The following ATF6 variants were observed in gnomAD, a reference collection of about 807,000 sequenced individuals.
ATF6 encodes the protein activating transcription factor 6.
In ATF6, 53 loss-of-function variants were observed where a neutral mutation model predicts 83.6. The observed-to-expected ratio is 0.63, with a 90% CI of 0.51 to 0.80. ATF6 has a LOEUF of 0.80. ATF6 is among the 30% of genes least tolerant of loss of function. The probability of loss-of-function intolerance (pLI) is 0.00; values close to 1 mark genes in which losing one functional copy is unlikely to be tolerated. For synonymous variants in ATF6, 288 were observed against 285.8 expected (o/e 1.01, Z -0.08); for missense variants, 744 against 797.9 (o/e 0.93, Z 0.81).
intron 9 of ATF6, among the ~76,000 whole-genome samples, chr1:161,828,995 A>G (rs567996870): frequency 1.3e-5 from 2 of 152,308 alleles, no homozygotes; most frequent in Admixed American, 6.5e-5. Context: ...AGTCTCTGAT[A>G]AAACAGACTT....
intron 4 of ATF6, among the ~76,000 whole-genome samples, chr1:161,791,108 G>C (rs868155390): frequency 6.2e-5 from 9 of 144,186 alleles, no homozygotes; most frequent in South Asian, 2.2e-4. Context: ...GTGTGTCTCT[G>C]TGTGTGTGTG....
At chr1:161,870,136 T>C (rs940376660) in intron 14 of ATF6, among the ~76,000 whole-genome samples, 1 of 151,928 alleles carries the variant, frequency 6.6e-6, no homozygotes, top group East Asian at 1.9e-4. Context: ...AGATATTTCA[T>C]TGAAAAATCT....
At chr1:161,954,738 A>T (rs1688932473) in intron 15 of ATF6, among the ~76,000 whole-genome samples, 1 of 152,138 alleles carries the variant, frequency 6.6e-6, no homozygotes, top group Non-Finnish European at 1.5e-5. Context: ...ATTCAGAATC[A>T]TAGTTTAGTG....
At chr1:161,877,226 G>A (rs954762066) in intron 14 of ATF6, among the ~76,000 whole-genome samples, 1 of 152,058 alleles carries the variant, frequency 6.6e-6, no homozygotes, top group African/African-American at 2.4e-5. Context: ...AAGGAGCATG[G>A]GTTCCAGTGA....
At chr1:161,902,945 A>C (rs1687816560) in intron 14 of ATF6, among the ~76,000 whole-genome samples, 1 of 152,198 alleles carries the variant, frequency 6.6e-6, no homozygotes, top group South Asian at 2.1e-4. Flanking sequence ...GGAGCAGGTA[A>C]AGGTGTGTGC....
chr1:161,914,624 C>A (rs1358220430), intron 15 of ATF6, among the ~76,000 whole-genome samples: 1 of 152,162 alleles, frequency 6.6e-6, no homozygotes, highest in Non-Finnish European at 1.5e-5. Flanking sequence ...TTCAGGCATC[C>A]CACTCTCTGA....
chr1:161,816,802 C>T (rs1179724532), intron 7 of ATF6, among the ~76,000 whole-genome samples: 1 of 152,052 alleles, frequency 6.6e-6, no homozygotes, highest in East Asian at 1.9e-4. Context: ...ATACCCACTT[C>T]CCCCCACTTA....
At chr1:161,903,531 T>C (rs1405783409) in intron 14 of ATF6, among the ~76,000 whole-genome samples, 4 of 152,164 alleles carry the variant, frequency 2.6e-5, no homozygotes, top group Non-Finnish European at 5.9e-5. Context: ...AAATCTAAAT[T>C]TCCTATATCA....
At chr1:161,824,091 G>A (rs1293014302) in intron 9 of ATF6, among the ~76,000 whole-genome samples, 2 of 152,120 alleles carry the variant, frequency 1.3e-5, no homozygotes, top group African/African-American at 2.4e-5. Flanking sequence ...CAGGAGAGAG[G>A]AGTATCCATT....
Position 161,958,427 on chromosome 1 carries a change from T to A in ATF6, c.1805-19T>A. 6.4e-7 allele frequency: 1 copy of A among 1,567,586 alleles called. No individual in the cohort carries two copies. The highest frequency in any genetic ancestry group is 8.7e-7 in the Non-Finnish European group (1 of 1,154,664). On this transcript the variant is annotated intron_variant, in intron 15 of 15. Coordinates refer to ENST00000367942, the MANE Select transcript of ATF6 (RefSeq NM_007348.4). ...CATTCTGTTGAATATTTATTCTTTG[T>A]GTATATTCCTGTCTGCAGAGAATGT...
chr1:161,950,632 G>A (rs1351378415), intron 15 of ATF6, among the ~76,000 whole-genome samples: 2 of 152,148 alleles, frequency 1.3e-5, no homozygotes, highest in Admixed American at 6.5e-5. Flanking sequence ...GATGACCCCA[G>A]GCTAAACCTC....
At chr1:161,936,666 C>T (rs1258669165) in intron 15 of ATF6, among the ~76,000 whole-genome samples, 1 of 151,970 alleles carries the variant, frequency 6.6e-6, no homozygotes, top group Non-Finnish European at 1.5e-5. Flanking sequence ...CTTGGCTATG[C>T]ACTTAATCAG....
At chr1:161,878,705 T>C (rs1435934249) in intron 14 of ATF6, among the ~76,000 whole-genome samples, 9 of 152,070 alleles carry the variant, frequency 5.9e-5, no homozygotes, top group Admixed American at 5.9e-4. Context: ...GAAGAGACTT[T>C]TGAATGGGGA....
Position 161,961,609 on chromosome 1 carries a change from G to T in ATF6, c.*2955G>T, listed in dbSNP as rs1359476262. 1 of 151,128 alleles carries T rather than the reference G, an allele frequency of 6.6e-6. No homozygotes were observed. Among genetic ancestry groups the T allele is most frequent in the Non-Finnish European group, 1.5e-5 (1 of 67,908 alleles). 9.4% of individuals were successfully genotyped at this position (151,128 alleles called of 1,614,324 possible). A position where few individuals can be genotyped will look rare whatever the true frequency, so the allele number is the denominator to read the frequency against. On this transcript the variant is annotated 3_prime_UTR_variant, in exon 16 of 16. Coordinates refer to ENST00000367942, the MANE Select transcript of ATF6 (RefSeq NM_007348.4). Reference sequence around the variant, plus strand: ...TTTTTGGTGGGATTGCCTTTTGGGGGTTGCAGCCAGAAATTGTGGGTAATG... The same window carrying T: ...TTTTTGGTGGGATTGCCTTTTGGGGTTTGCAGCCAGAAATTGTGGGTAATG...
At chr1:161,817,304 C>G (rs1431751130) in intron 7 of ATF6, among the ~76,000 whole-genome samples, 1 of 152,196 alleles carries the variant, frequency 6.6e-6, no homozygotes, top group Non-Finnish European at 1.5e-5. Flanking sequence ...ATAAACTCTT[C>G]CATCTGGGAA....
chr1:161,905,021 C>T (rs1024209022), intron 14 of ATF6, among the ~76,000 whole-genome samples: 2 of 152,136 alleles, frequency 1.3e-5, no homozygotes, highest in African/African-American at 4.8e-5. Context: ...CTTTATGTGA[C>T]GCCAACATCA....
At chr1:161,929,302 A>G (rs1688385703) in intron 15 of ATF6, among the ~76,000 whole-genome samples, 1 of 152,172 alleles carries the variant, frequency 6.6e-6, no homozygotes, top group African/African-American at 2.4e-5. Flanking sequence ...ATTACACCAC[A>G]GAGCTGGACA....
intron 15 of ATF6, among the ~76,000 whole-genome samples, chr1:161,935,461 A>T (rs1466823874): frequency 6.6e-6 from 1 of 152,194 alleles, no homozygotes; most frequent in Non-Finnish European, 1.5e-5. Context: ...CTCACCAGAC[A>T]TTAAATCTGC....
At chr1:161,871,831 A>G (rs1437392798) in intron 14 of ATF6, among the ~76,000 whole-genome samples, 1 of 148,838 alleles carries the variant, frequency 6.7e-6, no homozygotes, top group Admixed American at 7.0e-5. Flanking sequence ...CCAGAAATCT[A>G]TAGTTTTTAT....
Sources: gnomAD v4.1 joint callset for allele counts (sites outside exome capture counted in the v4.1 genomes callset) on GRCh38, gnomAD v4.1.1 for gene constraint, MANE v1.5 for transcripts, NCBI Gene and HGNC (gene_info 2026-07-23, HGNC 2026-07-21) for gene names.